The following HECW2 variants were observed in gnomAD, a reference collection of about 807,000 sequenced individuals.
HECW2 encodes HECT, C2 and WW domain containing E3 ubiquitin protein ligase 2, also known as E3 ubiquitin-protein ligase HECW2.
Under a neutral mutation model 175.2 loss-of-function variants are expected in HECW2, and 61 were observed. The observed-to-expected ratio is 0.35, with a 90% confidence interval of 0.28 to 0.43. The LOEUF (loss-of-function observed/expected upper bound fraction) is 0.43. HECW2 is among the 20% of genes least tolerant of loss of function. The probability of loss-of-function intolerance (pLI) is 1.00; values close to 1 mark genes in which losing one functional copy is unlikely to be tolerated. For missense variants in HECW2, 1,524 were observed against 2,000.5 expected (o/e 0.76, Z 4.54); for synonymous variants, 671 against 731.0 (o/e 0.92, Z 1.32).
intron 2 of HECW2, among the ~76,000 whole-genome samples, chr2:196,363,375 T>C (rs1280918401): frequency 3.3e-5 from 5 of 151,924 alleles, no homozygotes; most frequent in African/African-American, 1.2e-4. Context: ...GAAGAAGTGA[T>C]AACAGCCAGG....
chr2:196,244,167 T>C (rs1688563974), intron 19 of HECW2, among the ~76,000 whole-genome samples: 1 of 152,186 alleles, frequency 6.6e-6, no homozygotes, highest in Non-Finnish European at 1.5e-5. Flanking sequence ...CACCAATGGA[T>C]GTCCAAAATG....
At chr2:196,317,205 G>T in intron 10 of HECW2, 69 bp downstream of exon 10, 1 of 1,178,816 alleles carries the variant, frequency 8.5e-7, no homozygotes, top group Non-Finnish European at 1.2e-6. Flanking sequence ...TGAGACTCAT[G>T]GGAATGGGTC....
intron 1 of HECW2, among the ~76,000 whole-genome samples, chr2:196,577,050 T>C (rs922776086): frequency 6.6e-6 from 1 of 152,172 alleles, no homozygotes; most frequent in Non-Finnish European, 1.5e-5. Flanking sequence ...AAATAACGGA[T>C]TTTGTCAAGG....
chr2:196,523,517 A>C (rs1575633919), intron 1 of HECW2, among the ~76,000 whole-genome samples: 1 of 146,204 alleles, frequency 6.8e-6, no homozygotes, highest in African/African-American at 2.5e-5. Context: ...ACTATGTTGA[A>C]TAGGAGTGGT....
Position 196,318,671 on chromosome 2 carries a change from C to A in HECW2, c.2219G>T (p.Arg740Met). The A allele has an allele frequency of 6.2e-7, 1 of 1,600,648 alleles. No homozygotes were observed. The highest frequency in any genetic ancestry group is 8.5e-7 in the Non-Finnish European group (1 of 1,172,966). The change falls in exon 9 of 29, where the codon AGG becomes ATG. Residue 740 changes from arginine (R) to methionine (M), a missense_variant. Physicochemically the swap from Arg to Met is moderately conservative, Grantham distance 91. Coordinates refer to ENST00000644978, the MANE Select transcript of HECW2 (RefSeq NM_001348768.2). Reference sequence around the variant, plus strand: ...AGCTGCAGCTCCCTCCAGGCTCCCCCTCCGCTGCCAGACCTCCCCCAGCTC... The same window carrying A: ...AGCTGCAGCTCCCTCCAGGCTCCCCATCCGCTGCCAGACCTCCCCCAGCTC... ...QEELGEVWQR[R>M]GSLEGAAAAA... is the part of the protein sequence containing the mutation.
intron 1 of HECW2, among the ~76,000 whole-genome samples, chr2:196,458,737 G>A (rs560118833): frequency 6.6e-6 from 1 of 152,098 alleles, no homozygotes; most frequent in African/African-American, 2.4e-5. Flanking sequence ...GTGGTGGTGT[G>A]CACCTGTAGT....
chr2:196,291,489 G>A (rs1690602208), intron 14 of HECW2: 1 of 152,052 alleles, frequency 6.6e-6, no homozygotes, highest in South Asian at 2.1e-4. Context: ...TTTTGCTTAG[G>A]CGCTCAACAA....
At chr2:196,513,487 G>A (rs1287491189) in intron 1 of HECW2, among the ~76,000 whole-genome samples, 1 of 152,158 alleles carries the variant, frequency 6.6e-6, no homozygotes, top group Non-Finnish European at 1.5e-5. Context: ...TTCAGCCTGG[G>A]TGACAGAGTG....
In HECW2 at chr2:196,433,252, G is replaced by A; in HGVS notation, c.172C>T (p.Arg58Cys). 2.5e-6 allele frequency: 4 copies of A among 1,614,132 alleles called. No homozygotes were observed. The highest frequency in any genetic ancestry group is 3.4e-6 in the Non-Finnish European group (4 of 1,180,010). The stretch of plus-strand genomic sequence containing the variant: ...TACATGCTGGCAGTTAAGCTGGAGC[G>A]GCTCTCAGAAGTCACCAGGTCGGTG... ...SDTDLVTSES[R>C]SSLTASMYEY... The change falls in exon 2 of 29, where the codon CGC becomes TGC. Residue 58 changes from arginine to cysteine, a missense_variant. By Grantham distance (180) the Arg-to-Cys change is radical. This residue lies in a region of HECW2 where 135 missense variants were observed against 214.6 expected (regional missense o/e 0.63). Coordinates refer to ENST00000644978, the MANE Select transcript of HECW2 (RefSeq NM_001348768.2).
chr2:196,535,091 A>G (rs977427963), intron 1 of HECW2, among the ~76,000 whole-genome samples: 1 of 152,130 alleles, frequency 6.6e-6, no homozygotes, highest in African/African-American at 2.4e-5. Flanking sequence ...TTCAACTGCT[A>G]AAAACGCTAG....
intron 1 of HECW2, among the ~76,000 whole-genome samples, chr2:196,535,250 C>A (rs1688982238): frequency 6.6e-6 from 1 of 152,126 alleles, no homozygotes; most frequent in Non-Finnish European, 1.5e-5. Flanking sequence ...AAATCAAGAT[C>A]AGTACTAAAC....
At chr2:196,510,031 C>T (rs1163765307) in intron 1 of HECW2, among the ~76,000 whole-genome samples, 1 of 152,196 alleles carries the variant, frequency 6.6e-6, no homozygotes, top group Non-Finnish European at 1.5e-5. Context: ...CCATTAATAG[C>T]CAAACTTTAC....
chr2:196,308,058 C>T lies in HECW2; in HGVS notation c.2462G>A (p.Gly821Asp). ...TACGTGATCCACGTAGAAGATCCTG[C>T]CGTGGCTGTCAATGCGTGCCTCCCA... is the stretch of plus-strand genomic sequence containing the variant. ...PNWEARIDSHGRIFYVDHVNR... is the reference protein window; with the variant it reads ...PNWEARIDSHDRIFYVDHVNR... Residue 821 changes from glycine (G) to aspartate (D), a missense_variant, in exon 11 of 29, where the codon GGC (glycine) becomes GAC (aspartate). Transcript: ENST00000644978. The T allele has an allele frequency of 1.3e-6, 2 of 1,589,440 alleles. No individual in the cohort carries two copies. Among genetic ancestry groups the T allele is most frequent in the East Asian group, 2.2e-5 (1 of 44,456 alleles).
chr2:196,564,137 C>A (rs757036896), intron 1 of HECW2, among the ~76,000 whole-genome samples: 1 of 151,902 alleles, frequency 6.6e-6, no homozygotes, highest in Non-Finnish European at 1.5e-5. Context: ...TGTCTTCTTG[C>A]CAAAAAAAGT....
chr2:196,320,491 C>A lies in HECW2; in HGVS notation c.885-52G>T, dbSNP rs369738336. ...TCCTGACTACGCTGGAGTCAGCCTT[C>A]GCCGTCTTTCCACAGGCCACCCACC... On this transcript the variant is annotated intron_variant, in intron 7 of 28. Transcript: ENST00000644978. The A allele has an allele frequency of 1.5e-5, 18 of 1,220,020 alleles. No individual in the cohort carries two copies. In the African/African-American group the frequency reaches 2.7e-4, roughly 18 times the overall value. 75.6% of individuals were successfully genotyped at this position (1,220,020 alleles called of 1,614,324 possible).
chr2:196,345,072 CT>C (rs1248940039), intron 2 of HECW2, among the ~76,000 whole-genome samples: 3 of 152,160 alleles, frequency 2.0e-5, no homozygotes, highest in African/African-American at 7.2e-5. Context: ...AGGTTCTTTA[CT>C]GTGAAAGGCC....
intron 10 of HECW2, among the ~76,000 whole-genome samples, chr2:196,313,830 T>G (rs1029029800): frequency 6.6e-6 from 1 of 151,926 alleles, no homozygotes; most frequent in South Asian, 2.1e-4. Context: ...GGTGGGAGGA[T>G]TGCTTGAGGC....
intron 14 of HECW2, among the ~76,000 whole-genome samples, chr2:196,281,684 C>T (rs980916658): frequency 7.0e-6 from 1 of 142,102 alleles, no homozygotes; most frequent in East Asian, 2.0e-4. Flanking sequence ...GTTCTTTTAC[C>T]GAAATACTTA....
At chr2:196,408,212 G>A (rs1366491204) in intron 2 of HECW2, among the ~76,000 whole-genome samples, 1 of 152,168 alleles carries the variant, frequency 6.6e-6, no homozygotes, top group African/African-American at 2.4e-5. Context: ...AGAGACATAT[G>A]CTATATATTT....
Sources: allele counts gnomAD v4.1 joint callset (sites outside exome capture counted in the v4.1 genomes callset), GRCh38; gene constraint gnomAD v4.1.1; regional missense constraint gnomAD v4.1.1; transcripts MANE v1.5; gene names NCBI Gene and HGNC (gene_info 2026-07-23, HGNC 2026-07-21).